DLC1: variants seen among roughly 807,000 people sequenced by gnomAD.
DLC1 encodes rho GTPase-activating protein 7.
Under a neutral mutation model 140.3 loss-of-function variants are expected in DLC1, and 54 were observed. The ratio of observed to expected loss-of-function variants is 0.38; its 90% CI spans 0.31 to 0.48. The LOEUF is 0.48. Ranked by LOEUF, DLC1 falls within the 20% of genes least tolerant of loss-of-function variation. The probability of loss-of-function intolerance (pLI) is 0.96; values close to 1 mark genes in which losing one functional copy is unlikely to be tolerated. For missense variants in DLC1, 2,536 were observed against 1,907.0 expected (o/e 1.33, Z -6.14); for synonymous variants, 986 against 728.1 (o/e 1.35, Z -5.70).
chr8:13,238,099 G>A (rs1014845335), intron 5 of DLC1, among the ~76,000 whole-genome samples: 11 of 152,104 alleles, frequency 7.2e-5, no homozygotes, highest in African/African-American at 2.7e-4. Flanking sequence ...CCTAAATCCA[G>A]TTCCTCATGT....
intron 4 of DLC1, among the ~76,000 whole-genome samples, chr8:13,334,296 G>A (rs1303324374): frequency 6.6e-6 from 1 of 152,144 alleles, no homozygotes; most frequent in Non-Finnish European, 1.5e-5. Context: ...GACAAGGCTA[G>A]TGTCACTGCT....
intron 2 of DLC1, among the ~76,000 whole-genome samples, chr8:13,467,884 C>T (rs567553776): frequency 6.6e-6 from 1 of 152,160 alleles, no homozygotes; most frequent in African/African-American, 2.4e-5. Flanking sequence ...AGTAAAATGC[C>T]CATTCCATTT....
In DLC1 at chr8:13,166,132, C is replaced by T. The variant is rs565683277; in HGVS notation, c.1349-50475G>A. Among the ~76,000 whole-genome samples, 408 of 152,274 alleles carry T rather than the reference C, an allele frequency of 2.7e-3. 2 individuals carry two copies. The highest frequency in any genetic ancestry group is 9.2e-3 in the African/African-American group (382 of 41,568). ...AGGATGCCATCCCCGTTCACAGGCT[C>T]AGAACCCTGGCATCTTTTTTGACCA... is the stretch of plus-strand genomic sequence containing the variant. On this transcript the variant is annotated intron_variant, in intron 5 of 17. Transcript: ENST00000276297.
intron 5 of DLC1, among the ~76,000 whole-genome samples, chr8:13,222,329 G>C (rs73663650): frequency 4.1e-4 from 63 of 152,152 alleles, no homozygotes; most frequent in African/African-American, 1.3e-3. Context: ...GCTGTCAATA[G>C]ATTATTCTGT....
chr8:13,516,078 T>G (rs535329291), upstream of DLC1, among the ~76,000 whole-genome samples: 1 of 152,158 alleles, frequency 6.6e-6, no homozygotes, highest in South Asian at 2.1e-4. Context: ...TTAATTATCT[T>G]GCTTGGTGGA....
chr8:13,464,663 C>T (rs1399598505), intron 2 of DLC1, among the ~76,000 whole-genome samples: 1 of 150,174 alleles, frequency 6.7e-6, no homozygotes, highest in Non-Finnish European at 1.5e-5. Context: ...CTGTCCCCAC[C>T]TCCCTCAATG....
intron 3 of DLC1, among the ~76,000 whole-genome samples, chr8:13,394,786 C>G (rs555013477): frequency 1.3e-5 from 2 of 152,086 alleles, no homozygotes; most frequent in Admixed American, 1.3e-4. Context: ...ATACAGTAAG[C>G]TGGTGTCTAC....
At chr8:13,304,807 A>G (rs1832349661) in intron 5 of DLC1, 1 of 968,118 alleles carries the variant, frequency 1.0e-6, no homozygotes, top group Admixed American at 6.1e-5. Context: ...AAAATACTAT[A>G]ATTTTTTTCT....
chr8:13,099,817 C>G lies in DLC1; in HGVS notation c.2520G>C (p.Thr840=), dbSNP rs763670283. The change falls in exon 9 of 18, where the codon ACG becomes ACC. Residue 840 remains threonine, a synonymous_variant. Transcript: ENST00000276297. ...SGNNGSVNWR[T]GSFHGPGHIS... ...TGTGGCCAGGGCCGTGGAAGCTTCC[C>G]GTCCTCCAGTTCACAGAGCCGTTAT... 6.2e-7 allele frequency: 1 copy of G among 1,614,142 alleles called. No homozygotes were observed. The highest frequency in any genetic ancestry group is 8.5e-7 in the Non-Finnish European group (1 of 1,180,038).
intron 5 of DLC1, among the ~76,000 whole-genome samples, chr8:13,130,050 C>T (rs1821949377): frequency 6.6e-6 from 1 of 152,144 alleles, no homozygotes; most frequent in Non-Finnish European, 1.5e-5. Flanking sequence ...TCCATTTCAC[C>T]CACTGTACTC....
rs145136035 is a variant in DLC1 at position 13,118,730 on chromosome 8, C to T, written c.1349-3073G>A. Among the ~76,000 whole-genome samples the T allele has an allele frequency of 2.0e-5, 3 of 152,146 alleles. No individual in the cohort carries two copies. In the East Asian group the frequency reaches 5.8e-4, roughly 29 times the overall value. ...TTTATTTTTTTAATGTGAAATGAAC[C>T]TATATCTACATGCGAGTCACACAGT... is the stretch of plus-strand genomic sequence containing the variant. On this transcript the variant is annotated intron_variant, in intron 5 of 17. Coordinates refer to ENST00000276297, the MANE Select transcript of DLC1 (RefSeq NM_182643.3).
At chr8:13,382,561 T>TATTAAAATA (rs1836324343) in intron 4 of DLC1, among the ~76,000 whole-genome samples, 1 of 108,012 alleles carries the variant, frequency 9.3e-6, no homozygotes, top group Non-Finnish European at 2.0e-5. Context: ...GCTAAAGGAG[T>TATTAAAATA]ATTAAAATAT....
At chr8:13,215,079 G>C (rs2117123493) in intron 5 of DLC1, among the ~76,000 whole-genome samples, 1 of 152,306 alleles carries the variant, frequency 6.6e-6, no homozygotes, top group South Asian at 2.1e-4. Context: ...CTAAGCAAAG[G>C]ATTATAACCA....
intron 3 of DLC1, among the ~76,000 whole-genome samples, chr8:13,399,839 T>G (rs962993772): frequency 6.6e-6 from 1 of 152,170 alleles, no homozygotes; most frequent in African/African-American, 2.4e-5. Flanking sequence ...ATAAATATTC[T>G]CAAACTGGGG....
At chr8:13,192,400 A>G (rs1455113221) in intron 5 of DLC1, among the ~76,000 whole-genome samples, 2 of 152,224 alleles carry the variant, frequency 1.3e-5, no homozygotes, top group Non-Finnish European at 2.9e-5. Context: ...GAACGAGAAA[A>G]GAAATCACAG....
chr8:13,158,437 A>C (rs1177777781), intron 5 of DLC1, among the ~76,000 whole-genome samples: 1 of 152,148 alleles, frequency 6.6e-6, no homozygotes, highest in Non-Finnish European at 1.5e-5. Context: ...TTGTACCTTG[A>C]CCCTAACTTT....
At chr8:13,542,118 CT>C (rs1417430460) in intron 1 of DLC1, among the ~76,000 whole-genome samples, 1 of 152,074 alleles carries the variant, frequency 6.6e-6, no homozygotes, top group Non-Finnish European at 1.5e-5. Flanking sequence ...TTTTTCTGTG[CT>C]GTCTAATAAA....
intron 5 of DLC1, among the ~76,000 whole-genome samples, chr8:13,119,692 C>T (rs1224499391): frequency 6.6e-6 from 1 of 152,116 alleles, no homozygotes; most frequent in Non-Finnish European, 1.5e-5. Flanking sequence ...TGGCTCACAC[C>T]TGTAACCCCA....
Position 13,132,415 on chromosome 8 carries a change from C to T in DLC1, c.1349-16758G>A, listed in dbSNP as rs531317601. The stretch of plus-strand genomic sequence containing the variant: ...AAAAGGAAAACAAGTTTTTGGTGAA[C>T]TTTCAGGCAGTGATGAAAAAAAAAA... On this transcript the variant is annotated intron_variant, in intron 5 of 17. Transcript: ENST00000276297. Among the ~76,000 whole-genome samples the T allele has an allele frequency of 3.6e-3, 541 of 151,976 alleles. 3 individuals are homozygous for T. Among genetic ancestry groups the T allele is most frequent in the Non-Finnish European group, 4.9e-3 (335 of 67,976 alleles).
Sources: allele counts gnomAD v4.1 joint callset (sites outside exome capture counted in the v4.1 genomes callset), GRCh38; gene constraint gnomAD v4.1.1; transcripts MANE v1.5; gene names NCBI Gene and HGNC (gene_info 2026-07-23, HGNC 2026-07-21).